SMARCA2: variants seen among roughly 807,000 people sequenced by gnomAD.
The protein encoded by SMARCA2 is SWI/SNF-related matrix-associated actin-dependent regulator of chromatin subfamily A member 2.
In SMARCA2, 61 loss-of-function variants were observed where a neutral mutation model predicts 199.8. That is an observed-to-expected ratio of 0.31 (90% CI 0.25 to 0.38). SMARCA2 has a LOEUF of 0.38. SMARCA2 is among the 10% of genes least tolerant of loss of function. The pLI is 1.00. For synonymous variants in SMARCA2, 935 were observed against 732.0 expected (o/e 1.28, Z -4.48); for missense variants, 1,344 against 2,012.2 (o/e 0.67, Z 6.35).
intron 4 of SMARCA2, chr9:2,044,971 T>C (rs1380019864): frequency 6.6e-6 from 1 of 152,192 alleles, no homozygotes; most frequent in Non-Finnish European, 1.5e-5. Context: ...AAAGATATGC[T>C]TTGGGTACCT....
At chr9:2,090,622 A>C (rs532152463) in intron 19 of SMARCA2, among the ~76,000 whole-genome samples, 14 of 152,330 alleles carry the variant, frequency 9.2e-5, no homozygotes, top group African/African-American at 3.4e-4. Flanking sequence ...AACCAATGAC[A>C]GCTGCTTCTA....
chr9:2,181,756 G>A, intron 30 of SMARCA2, 80 bp downstream of exon 30: 1 of 799,292 alleles, frequency 1.3e-6, no homozygotes. Context: ...TGTAGTTGGA[G>A]CTGACCGCCA....
intron 32 of SMARCA2, among the ~76,000 whole-genome samples, chr9:2,187,983 T>C (rs879653797): frequency 1.2e-4 from 19 of 152,236 alleles, no homozygotes; most frequent in South Asian, 6.2e-4. Flanking sequence ...AGGTAACGTC[T>C]CAAAATATTA....
chr9:2,071,856 G>T lies in SMARCA2; in HGVS notation c.1747-1356G>T, dbSNP rs190285683. 2.1e-3 allele frequency among the ~76,000 whole-genome samples: 316 copies of T among 152,068 alleles called. 6 individuals are homozygous for T. The highest frequency in any genetic ancestry group is 0.019 in the Admixed American group (289 of 15,284). On this transcript the variant is annotated intron_variant, in intron 10 of 33. Transcript: ENST00000349721. ...TCCTTCTTTATCTCTTGAGTATATA[G>T]ATGACCTTTTACATTAATGAGGAAG...
rs1446485583 is a variant in SMARCA2, at chr9:2,110,160, G to A, written c.3293-94G>A. On this transcript the variant is annotated intron_variant, in intron 23 of 33. Transcript: ENST00000349721. This position sits in a 1 kb window ranked among gnomAD's most constrained non-coding sequence, Gnocchi z 4.8. ...CTCACCAGTGTTAGGAGGAGTCTGG[G>A]TATATTTCTTGAAGGAAGCAAGCCT... The A allele has an allele frequency of 3.2e-6, 3 of 940,414 alleles. No individual in the cohort carries two copies. Among genetic ancestry groups the A allele is most frequent in the South Asian group, 3.5e-5 (2 of 56,582 alleles). 58.3% of individuals were successfully genotyped at this position (940,414 alleles called of 1,614,324 possible). A position where few individuals can be genotyped will look rare whatever the true frequency, so the allele number is the denominator to read the frequency against.
At chr9:2,179,915 A>G (rs778564543) in intron 29 of SMARCA2, among the ~76,000 whole-genome samples, 10 of 152,248 alleles carry the variant, frequency 6.6e-5, no homozygotes, top group Non-Finnish European at 1.3e-4. Flanking sequence ...ACTGCATTTC[A>G]TAGGCACCTT....
intron 27 of SMARCA2, chr9:2,160,904 C>A: frequency 3.0e-6 from 1 of 330,092 alleles, no homozygotes; most frequent in Non-Finnish European, 5.4e-6. Context: ...AAAGTTTAAA[C>A]TTCTGGGTCT....
intron 10 of SMARCA2, among the ~76,000 whole-genome samples, chr9:2,072,945 A>T (rs560757779): frequency 7.6e-4 from 116 of 152,252 alleles, no homozygotes; most frequent in African/African-American, 2.6e-3. Flanking sequence ...TTGCACTTCT[A>T]GCTCTTAACT....
intron 24 of SMARCA2, among the ~76,000 whole-genome samples, chr9:2,114,179 T>C (rs1006408560): frequency 4.6e-5 from 7 of 152,180 alleles, no homozygotes; most frequent in Non-Finnish European, 1.0e-4. Flanking sequence ...TTTAGGGTGT[T>C]TTAAAGTTCT....
chr9:2,085,898 C>G (rs1430597205), intron 17 of SMARCA2: 1 of 152,180 alleles, frequency 6.6e-6, no homozygotes, highest in Non-Finnish European at 1.5e-5. Flanking sequence ...CCTCATTGTT[C>G]TCACTTTAAG....
chr9:2,109,988 T>C (rs1754753832), intron 23 of SMARCA2, among the ~76,000 whole-genome samples: 1 of 152,172 alleles, frequency 6.6e-6, no homozygotes, highest in South Asian at 2.1e-4. Flanking sequence ...ATGTTTTCAT[T>C]GTTTTAGGTG....
intron 27 of SMARCA2, among the ~76,000 whole-genome samples, chr9:2,146,065 A>G (rs1022750266): frequency 6.6e-6 from 1 of 152,232 alleles, no homozygotes; most frequent in Non-Finnish European, 1.5e-5. Context: ...CTGGGATGCT[A>G]TACCAAAATA....
intron 4 of SMARCA2, 132 bp downstream of exon 4, chr9:2,040,032 C>A: frequency 6.8e-7 from 1 of 1,471,464 alleles, no homozygotes; most frequent in South Asian, 1.3e-5. Context: ...GGCTCTCTAT[C>A]CTTGCTCCAC....
rs1265595233 is a variant in SMARCA2, at chr9:2,193,149, A to ATTTTTCATCAGGCAAT, written c.*414_*429dup. On this transcript the variant is annotated 3_prime_UTR_variant, in exon 34 of 34. Transcript: ENST00000349721. ...GCCATTAAAAGCCACTGGTTATTTT[A>ATTTTTCATCAGGCAAT]TTTTTCATCAGGCAATTTTCGAGGT... 1 of 162,750 alleles carries ATTTTTCATCAGGCAAT rather than the reference A, an allele frequency of 6.1e-6. No homozygotes were observed. Among genetic ancestry groups the ATTTTTCATCAGGCAAT allele is most frequent in the Non-Finnish European group, 1.3e-5 (1 of 75,252 alleles). The allele number at this position is 162,750 out of a possible 1,614,324, so 10.1% of individuals were successfully genotyped here.
intron 19 of SMARCA2, among the ~76,000 whole-genome samples, chr9:2,091,589 G>T (rs1029443643): frequency 6.6e-6 from 1 of 152,192 alleles, no homozygotes; most frequent in African/African-American, 2.4e-5. Context: ...TGTGAACATA[G>T]GTTTGCATTT....
At chr9:2,178,163 G>C (rs1826754336) in intron 29 of SMARCA2, among the ~76,000 whole-genome samples, 1 of 152,072 alleles carries the variant, frequency 6.6e-6, no homozygotes. Context: ...TGGTCTCATG[G>C]CCACGTCGCG....
chr9:2,170,079 C>G lies in SMARCA2; in HGVS notation c.4200-340C>G, dbSNP rs1056556807. On this transcript the variant is annotated intron_variant, in intron 28 of 33. Transcript: ENST00000349721. The surrounding 1 kb of genome is among the most constrained non-coding windows in gnomAD (Gnocchi z 4.7). ...AACTCAGATAGACTAGCACTACCTT[C>G]CCAAGATCACACGCACCTCTAGCCA... Among the ~76,000 whole-genome samples, 1 of 152,184 alleles carries G rather than the reference C, an allele frequency of 6.6e-6. No homozygotes were observed. Among genetic ancestry groups the G allele is most frequent in the African/African-American group, 2.4e-5 (1 of 41,438 alleles).
At chr9:2,151,132 T>C (rs532261227) in intron 27 of SMARCA2, among the ~76,000 whole-genome samples, 6 of 151,652 alleles carry the variant, frequency 4.0e-5, no homozygotes, top group African/African-American at 1.2e-4. Flanking sequence ...ATGACACATG[T>C]ACATTTTGAT....
At chr9:2,071,777 T>C (rs751037283) in intron 10 of SMARCA2, among the ~76,000 whole-genome samples, 27 of 152,232 alleles carry the variant, frequency 1.8e-4, no homozygotes, top group Non-Finnish European at 3.7e-4. Context: ...ATTATAATGG[T>C]TCATGATAAC....
Sources: allele counts gnomAD v4.1 joint callset (sites outside exome capture counted in the v4.1 genomes callset), GRCh38; gene constraint gnomAD v4.1.1; non-coding constraint Gnocchi (gnomAD v3.1); transcripts MANE v1.5; gene names NCBI Gene and HGNC (gene_info 2026-07-23, HGNC 2026-07-21).